SH2B3: variants seen among roughly 807,000 people sequenced by gnomAD.
The protein encoded by SH2B3 is SH2B adaptor protein 3.
In SH2B3, 43 loss-of-function variants were observed where a neutral mutation model predicts 51.9. The observed-to-expected ratio is 0.83, with a 90% CI of 0.65 to 1.07. The LOEUF is 1.07. SH2B3 is among the 50% of genes least tolerant of loss of function. The pLI is 0.00. For missense variants in SH2B3, 952 were observed against 834.3 expected, an observed-to-expected ratio of 1.14 and a Z score of -1.74; for synonymous variants, 396 against 376.0, an observed-to-expected ratio of 1.05 and a Z score of -0.62.
At chr12:111,414,830 G>T (rs944665158) in intron 1 of SH2B3, among the ~76,000 whole-genome samples, 1 of 152,120 alleles carries the variant, frequency 6.6e-6, no homozygotes, top group African/African-American at 2.4e-5. Context: ...TTGTAGGTTC[G>T]CATCTCCACC....
At position 111,435,752 on chromosome 12, in the gene SH2B3, G is replaced by A. The variant is rs908464221; in HGVS notation, c.733-11001G>A. On this transcript the variant is annotated intron_variant, in intron 2 of 7. Transcript: ENST00000341259. The surrounding 1 kb of genome is among the most constrained non-coding windows in gnomAD (Gnocchi z 4.8). ...CAGCCTGGCACTCGTGGTTTGGGGC[G>A]TCCATGGCCTTGTGGTGGCGAGGCG... is the stretch of plus-strand genomic sequence containing the variant. Among the ~76,000 whole-genome samples the A allele has an allele frequency of 1.3e-5, 2 of 152,204 alleles. No individual in the cohort carries two copies. The highest frequency in any genetic ancestry group is 6.5e-5 in the Admixed American group (1 of 15,284).
At chr12:111,444,697 T>C in intron 2 of SH2B3, 1 of 982,882 alleles carries the variant, frequency 1.0e-6, no homozygotes. Context: ...CATCCCCCCA[T>C]ATAGCTTAAT....
chr12:111,414,859 G>T (rs930727487), intron 1 of SH2B3, among the ~76,000 whole-genome samples: 1 of 152,188 alleles, frequency 6.6e-6, no homozygotes, highest in Non-Finnish European at 1.5e-5. Flanking sequence ...CCTTTCATGG[G>T]TTCCTTACAA....
At chr12:111,414,700 C>A (rs1870951169) in intron 1 of SH2B3, among the ~76,000 whole-genome samples, 1 of 152,128 alleles carries the variant, frequency 6.6e-6, no homozygotes, top group African/African-American at 2.4e-5. Context: ...GGGGGTTCCA[C>A]CATGGCCTCA....
intron 2 of SH2B3, among the ~76,000 whole-genome samples, chr12:111,445,630 C>G (rs1222728127): frequency 6.6e-6 from 1 of 152,256 alleles, no homozygotes; most frequent in African/African-American, 2.4e-5. Context: ...CTGTTGTGTC[C>G]GCCAACCAGA....
Position 111,447,807 on chromosome 12 carries a change from T to C in SH2B3, c.1388T>C (p.Val463Ala). 1 of 1,614,028 alleles carries C rather than the reference T, an allele frequency of 6.2e-7. No individual in the cohort carries two copies. The highest frequency in any genetic ancestry group is 8.5e-7 in the Non-Finnish European group (1 of 1,179,970). ...GATGTCCGGCTCTCCAGCTACGTGG[T>C]AGTCGTCTCCCAACCACCAGGTCTG... ...ACDVRLSSYV[V>A]VVSQPPGSCN... The change falls in exon 7 of 8, where the codon GTA (valine) becomes GCA (alanine). Residue 463 changes from valine to alanine, a missense_variant. By Grantham distance (64) the Val-to-Ala change is moderately conservative. Coordinates refer to ENST00000341259, the MANE Select transcript of SH2B3 (RefSeq NM_005475.3).
chr12:111,415,178 G>A (rs1268509424), intron 1 of SH2B3, among the ~76,000 whole-genome samples: 4 of 152,270 alleles, frequency 2.6e-5, no homozygotes, highest in Non-Finnish European at 4.4e-5. Context: ...CAGGGAGGGA[G>A]TCACTGGAGT....
chr12:111,414,702 A>G (rs1031210800), intron 1 of SH2B3, among the ~76,000 whole-genome samples: 4 of 151,924 alleles, frequency 2.6e-5, no homozygotes, highest in African/African-American at 9.7e-5. Context: ...GGGTTCCACC[A>G]TGGCCTCATG....
chr12:111,429,826 T>C lies in SH2B3; in HGVS notation c.732+10949T>C, dbSNP rs1004842444. The stretch of plus-strand genomic sequence containing the variant: ...GGCCAAGGCAGGAAATGAGAGTCCC[T>C]GGTGGGTCTGCCAAGGCCGGGGGGC... On this transcript the variant is annotated intron_variant, in intron 2 of 7. Coordinates refer to ENST00000341259, the MANE Select transcript of SH2B3 (RefSeq NM_005475.3). The surrounding 1 kb of genome is among the most constrained non-coding windows in gnomAD (Gnocchi z 4.4). Among the ~76,000 whole-genome samples, 2 of 152,100 alleles carry C rather than the reference T, an allele frequency of 1.3e-5. No homozygotes were observed. The highest frequency in any genetic ancestry group is 4.8e-5 in the African/African-American group (2 of 41,412).
rs553948285 is a variant in SH2B3 at position 111,437,824 on chromosome 12, G to A, written c.733-8929G>A. 2.0e-5 allele frequency among the ~76,000 whole-genome samples: 3 copies of A among 152,272 alleles called. No individual in the cohort carries two copies. The South Asian group carries it at 6.2e-4, about 32-fold the overall frequency. Reference sequence around the variant, plus strand: ...CCCTCTGCTTCCCAGGCACTTGAGAGCTTGGGGGTCCCAGGTACCTACCCA... The same window carrying A: ...CCCTCTGCTTCCCAGGCACTTGAGAACTTGGGGGTCCCAGGTACCTACCCA... On this transcript the variant is annotated intron_variant, in intron 2 of 7. Coordinates refer to ENST00000341259, the MANE Select transcript of SH2B3 (RefSeq NM_005475.3).
In SH2B3 at chr12:111,447,031, A is replaced by C; in HGVS notation, c.924A>C (p.Arg308=). Residue 308 remains arginine (R), a splice_region_variant and synonymous_variant, in exon 4 of 8, where the codon CGA becomes CGC. Transcript: ENST00000341259. ...CTGAGCTCTCGGAGTGCACAGGCCGAGGGTGAGGTCCTGGGCCCTCGTCCC... is the reference window on the plus strand; with the variant it reads ...CTGAGCTCTCGGAGTGCACAGGCCGCGGGTGAGGTCCTGGGCCCTCGTCCC... ...WMAELSECTG[R]GLESTEAEMH... is the part of the protein sequence containing the mutation. 1 of 1,613,514 alleles carries C rather than the reference A, an allele frequency of 6.2e-7. No homozygotes were observed. The highest frequency in any genetic ancestry group is 1.3e-5 in the African/African-American group (1 of 75,012).
Position 111,448,231 on chromosome 12 carries a change from T to C in SH2B3, c.1657T>C (p.Ser553Pro). ...EHEPVNRARD[S>P]DYEMDSSSRS... ...TGAGCCTGTGAATCGAGCCCGGGAC[T>C]CGGACTACGAAATGGACTCATCCTC... is the stretch of plus-strand genomic sequence containing the variant. The change falls in exon 8 of 8, where the codon TCG (serine) becomes CCG (proline). Residue 553 changes from serine (S) to proline (P), a missense_variant. Coordinates refer to ENST00000341259, the MANE Select transcript of SH2B3 (RefSeq NM_005475.3). The C allele has an allele frequency of 6.2e-7, 1 of 1,614,174 alleles. No homozygotes were observed. The highest frequency in any genetic ancestry group is 1.1e-5 in the South Asian group (1 of 91,076).
rs1565977452 is a variant in SH2B3, at chr12:111,429,048, A to AGGAG, written c.732+10172_732+10173insGAGG. On this transcript the variant is annotated intron_variant, in intron 2 of 7. Coordinates refer to ENST00000341259, the MANE Select transcript of SH2B3 (RefSeq NM_005475.3). The surrounding 1 kb of genome is among the most constrained non-coding windows in gnomAD (Gnocchi z 4.4). ...AGGAGGAGGAGGAGGAGGAGGAGGA[A>AGGAG]GAGGAGGAGGAGGAGGAGGAGGGAC... Among the ~76,000 whole-genome samples, 83 of 125,190 alleles carry AGGAG rather than the reference A, an allele frequency of 6.6e-4. No homozygotes were observed. Among genetic ancestry groups the AGGAG allele is most frequent in the Non-Finnish European group, 1.1e-3 (65 of 58,138 alleles). The allele number at this position is 125,190 out of a possible 152,430, so 82.1% of individuals were successfully genotyped here.
At chr12:111,425,725 C>T (rs973245397) in intron 2 of SH2B3, among the ~76,000 whole-genome samples, 13 of 152,144 alleles carry the variant, frequency 8.5e-5, no homozygotes, top group Non-Finnish European at 1.6e-4. Flanking sequence ...GCAAGGGACC[C>T]TCCAGGCTAC....
chr12:111,427,472 G>A, intron 2 of SH2B3, among the ~76,000 whole-genome samples: 1 of 151,734 alleles, frequency 6.6e-6, no homozygotes, highest in Non-Finnish European at 1.5e-5. Flanking sequence ...AGCCTGGCCT[G>A]TGCTGCCACT....
At position 111,429,915 on chromosome 12, in the gene SH2B3, C is replaced by A. The variant is rs909173611; in HGVS notation, c.732+11038C>A. 6.6e-6 allele frequency among the ~76,000 whole-genome samples: 1 copy of A among 152,198 alleles called. No individual in the cohort carries two copies. Among genetic ancestry groups the A allele is most frequent in the East Asian group, 1.9e-4 (1 of 5,190 alleles). On this transcript the variant is annotated intron_variant, in intron 2 of 7. Transcript: ENST00000341259. The surrounding 1 kb of genome is among the most constrained non-coding windows in gnomAD (Gnocchi z 4.4). ...GCAGAGAGAAAGCACCCACCCTCCACCGTCAGAACGAGCCTGTATCCCGGC... is the reference window on the plus strand; with the variant it reads ...GCAGAGAGAAAGCACCCACCCTCCAACGTCAGAACGAGCCTGTATCCCGGC...
chr12:111,409,263 AG>A lies in SH2B3; in HGVS notation c.-28+2992del, dbSNP rs1316985366. ...CCACAGGTCTTTTTGTCTATGAAAT[AG>A]GGGGGTTGCCAACTCCCTGTTAGGG... On this transcript the variant is annotated intron_variant, in intron 1 of 7. Transcript: ENST00000341259. This position sits in a 1 kb window ranked among gnomAD's most constrained non-coding sequence, Gnocchi z 4.0. Among the ~76,000 whole-genome samples the A allele has an allele frequency of 1.3e-5, 2 of 152,166 alleles. No individual in the cohort carries two copies. Among genetic ancestry groups the A allele is most frequent in the African/African-American group, 4.8e-5 (2 of 41,428 alleles).
chr12:111,414,517 G>A (rs1325785526), intron 1 of SH2B3, among the ~76,000 whole-genome samples: 4 of 151,956 alleles, frequency 2.6e-5, no homozygotes, highest in African/African-American at 9.7e-5. Flanking sequence ...TTGAGCCTGG[G>A]AGGTCTAGGC....
chr12:111,448,395 G>C lies in SH2B3; in HGVS notation c.*93G>C. ...TGTAATTGATCTTTCCTTCCTTCCA[G>C]AGAAAGATTTAAGGGACACTGTTAA... On this transcript the variant is annotated 3_prime_UTR_variant, in exon 8 of 8. Coordinates refer to ENST00000341259, the MANE Select transcript of SH2B3 (RefSeq NM_005475.3). The C allele has an allele frequency of 2.0e-6, 2 of 1,023,586 alleles. No homozygotes were observed. The highest frequency in any genetic ancestry group is 2.5e-5 in the Admixed American group (1 of 40,074). The allele number at this position is 1,023,586 out of a possible 1,614,324, so 63.4% of individuals were successfully genotyped here. A position where few individuals can be genotyped will look rare whatever the true frequency, so the allele number is the denominator to read the frequency against.
Sources: gnomAD v4.1 joint callset for allele counts (sites outside exome capture counted in the v4.1 genomes callset) on GRCh38, gnomAD v4.1.1 for gene constraint, Gnocchi (gnomAD v3.1) non-coding constraint, MANE v1.5 for transcripts, NCBI Gene and HGNC (gene_info 2026-07-23, HGNC 2026-07-21) for gene names.